ADCY2: variants seen among roughly 807,000 people sequenced by gnomAD.
The protein encoded by ADCY2 is adenylate cyclase type 2.
Under a neutral mutation model 125.2 loss-of-function variants are expected in ADCY2, and 31 were observed. The ratio of observed to expected loss-of-function variants is 0.25; its 90% CI spans 0.19 to 0.33. The LOEUF is 0.33. ADCY2 is among the 10% of genes least tolerant of loss of function. ADCY2 has a pLI of 1.00. For synonymous variants in ADCY2, 512 were observed against 548.4 expected, an observed-to-expected ratio of 0.93 and a Z score of 0.93; for missense variants, 904 against 1,418.2, an observed-to-expected ratio of 0.64 and a Z score of 5.82.
intron 4 of ADCY2, among the ~76,000 whole-genome samples, chr5:7,677,699 A>G (rs1457683325): frequency 1.3e-5 from 2 of 152,170 alleles, no homozygotes; most frequent in African/African-American, 4.8e-5. Context: ...GAGCACAATC[A>G]TGGGATTGTT....
At chr5:7,725,179 A>G (rs1741895241) in intron 13 of ADCY2, among the ~76,000 whole-genome samples, 1 of 152,172 alleles carries the variant, frequency 6.6e-6, no homozygotes, top group African/African-American at 2.4e-5. Flanking sequence ...GCCAAAATGA[A>G]TTCAGTTAAT....
At chr5:7,710,798 G>A (rs1018522256) in intron 10 of ADCY2, among the ~76,000 whole-genome samples, 10 of 152,264 alleles carry the variant, frequency 6.6e-5, no homozygotes, top group East Asian at 5.8e-4. Context: ...AGGGGTCCCC[G>A]GTGAGAATGA....
Position 7,808,417 on chromosome 5 carries a change from C to T in ADCY2, c.2883+3725C>T, listed in dbSNP as rs1224695916. Among the ~76,000 whole-genome samples the T allele has an allele frequency of 2.0e-5, 3 of 152,208 alleles. No homozygotes were observed. In the East Asian group the frequency reaches 5.8e-4, roughly 29 times the overall value. ...AGCTTCCTTCACTCTGTTTTACAAACCTGCCACTTCCAATGCAAACCCTCT... is the reference window on the plus strand; with the variant it reads ...AGCTTCCTTCACTCTGTTTTACAAATCTGCCACTTCCAATGCAAACCCTCT... On this transcript the variant is annotated intron_variant, in intron 22 of 24. Transcript: ENST00000338316.
chr5:7,679,195 T>G (rs12517472), intron 4 of ADCY2, among the ~76,000 whole-genome samples: 23,466 of 152,074 alleles, frequency 0.15, 2,687 homozygotes, highest in East Asian at 0.56. Context: ...TGAAAGTTTG[T>G]CTGGAGAATT....
intron 4 of ADCY2, among the ~76,000 whole-genome samples, chr5:7,676,530 T>G (rs1227382479): frequency 6.6e-6 from 1 of 152,166 alleles, no homozygotes; most frequent in Non-Finnish European, 1.5e-5. Flanking sequence ...AAAAAAATAC[T>G]TTCTGAGATA....
chr5:7,536,453 A>G (rs1440004610), intron 3 of ADCY2, among the ~76,000 whole-genome samples: 2 of 152,156 alleles, frequency 1.3e-5, no homozygotes, highest in East Asian at 1.9e-4. Context: ...TCCCCCCCAC[A>G]TGCCCCAGAG....
rs898567219 is a variant in ADCY2, at chr5:7,743,584, G to A, written c.1872-84G>A. ...GCAGTCTGCATTTAATAAAGTCCTC[G>A]TTAACCCAAAAGTATTACTGGTAGC... On this transcript the variant is annotated intron_variant, in intron 14 of 24. Coordinates refer to ENST00000338316, the MANE Select transcript of ADCY2 (RefSeq NM_020546.3). 1.0e-4 allele frequency: 133 copies of A among 1,302,792 alleles called. 1 individual carries two copies. The African/African-American group carries it at 1.6e-3, about 16-fold the overall frequency. The allele number at this position is 1,302,792 out of a possible 1,614,324, so 80.7% of individuals were successfully genotyped here. A position where few individuals can be genotyped will look rare whatever the true frequency, so the allele number is the denominator to read the frequency against.
intron 4 of ADCY2, among the ~76,000 whole-genome samples, chr5:7,658,431 G>GTGTGTGTGTGTA (rs59664339): frequency 1.4e-5 from 2 of 142,918 alleles, no homozygotes; most frequent in East Asian, 2.1e-4. Context: ...GTGTGTGTGT[G>GTGTGTGTGTGTA]TATATATATA....
At position 7,553,402 on chromosome 5, in the gene ADCY2, G is replaced by A. The variant is rs115201606; in HGVS notation, c.570+32503G>A. On this transcript the variant is annotated intron_variant, in intron 3 of 24. Transcript: ENST00000338316. ...AAGGCCCTTCCGGGCTCTCTACTTA[G>A]GTCAAAGAAAAGGCTTGAGCATCAG... Among the ~76,000 whole-genome samples the A allele has an allele frequency of 1.2e-3, 179 of 152,266 alleles. 1 individual carries two copies. The highest frequency in any genetic ancestry group is 4.1e-3 in the African/African-American group (170 of 41,540).
At chr5:7,496,052 G>A (rs1395725355) in intron 2 of ADCY2, among the ~76,000 whole-genome samples, 1 of 152,190 alleles carries the variant, frequency 6.6e-6, no homozygotes, top group Non-Finnish European at 1.5e-5. Context: ...TGAATGGCCT[G>A]TTTAAAATGT....
At chr5:7,520,553 A>G (rs1486398555) in intron 2 of ADCY2, among the ~76,000 whole-genome samples, 185 bp from the exon 3 acceptor site, 8 of 152,148 alleles carry the variant, frequency 5.3e-5, no homozygotes, top group Non-Finnish European at 1.2e-4. Context: ...CTCCATCACA[A>G]CGATTAGTCT....
At chr5:7,573,058 ACAC>A (rs751189934) in intron 3 of ADCY2, among the ~76,000 whole-genome samples, 38 of 152,288 alleles carry the variant, frequency 2.5e-4, no homozygotes, top group Non-Finnish European at 2.1e-4. Context: ...CCATGTGAAG[ACAC>A]CAGAAGAAGA....
chr5:7,472,552 T>C (rs1380464875), intron 2 of ADCY2, among the ~76,000 whole-genome samples: 1 of 152,206 alleles, frequency 6.6e-6, no homozygotes, highest in Non-Finnish European at 1.5e-5. Context: ...GTTTATCTTT[T>C]ATCAATTCAT....
chr5:7,602,410 C>T (rs1737243179), intron 3 of ADCY2, among the ~76,000 whole-genome samples: 1 of 152,170 alleles, frequency 6.6e-6, no homozygotes, highest in Admixed American at 6.5e-5. Context: ...CAGGTACACT[C>T]CAGGATGTCT....
rs559820178 is a variant in ADCY2, at chr5:7,484,960, G to A, written c.409-35778G>A. Among the ~76,000 whole-genome samples, 38 of 152,172 alleles carry A rather than the reference G, an allele frequency of 2.5e-4. No homozygotes were observed. In the East Asian group the frequency reaches 5.4e-3, roughly 22 times the overall value. On this transcript the variant is annotated intron_variant, in intron 2 of 24. Transcript: ENST00000338316. ...CTGTGCTCCTTGGTCCCAGTCTTCC[G>A]TAGACCCCATGCCAATCTGGAGTGG...
At chr5:7,422,821 G>A (rs1216778600) in intron 2 of ADCY2, among the ~76,000 whole-genome samples, 1 of 152,156 alleles carries the variant, frequency 6.6e-6, no homozygotes, top group Non-Finnish European at 1.5e-5. Context: ...TTGAAAATGA[G>A]CGAAAATGAA....
At chr5:7,469,814 A>G (rs552235212) in intron 2 of ADCY2, among the ~76,000 whole-genome samples, 5 of 151,868 alleles carry the variant, frequency 3.3e-5, no homozygotes, top group Non-Finnish European at 5.9e-5. Flanking sequence ...ATTCACAATA[A>G]TAACTCTTCC....
At chr5:7,554,790 A>G (rs1735451589) in intron 3 of ADCY2, among the ~76,000 whole-genome samples, 1 of 152,168 alleles carries the variant, frequency 6.6e-6, no homozygotes, top group Non-Finnish European at 1.5e-5. Flanking sequence ...GGATCTAGGA[A>G]CCTTCTGAAA....
intron 24 of ADCY2, among the ~76,000 whole-genome samples, chr5:7,825,124 C>T (rs1302812996): frequency 2.0e-5 from 3 of 151,828 alleles, no homozygotes; most frequent in African/African-American, 7.3e-5. Flanking sequence ...TGTGCCAGAA[C>T]AACACTGCTG....
Sources: gnomAD v4.1 joint callset for allele counts (sites outside exome capture counted in the v4.1 genomes callset) on GRCh38, gnomAD v4.1.1 for gene constraint, MANE v1.5 for transcripts, NCBI Gene and HGNC (gene_info 2026-07-23, HGNC 2026-07-21) for gene names.